HACL2: variants seen among roughly 807,000 people sequenced by gnomAD.
HACL2 encodes the protein 2-hydroxyacyl-CoA lyase 2, also known as 2-hydroxyacyl-CoA lyase 1 like.
At chr19:15,125,458 C>T in the HACL2 span, 1 of 188,322 alleles carries the variant, frequency 5.3e-6, no homozygotes, top group African/African-American at 2.4e-5. Flanking sequence ...GTAGTGAGCC[C>T]GCCCCATGTT....
the HACL2 span, chr19:15,124,151 C>G: frequency 6.4e-6 from 1 of 157,284 alleles, no homozygotes; most frequent in South Asian, 1.9e-4. Flanking sequence ...ACAGACTGTG[C>G]CGAGGCCTCC....
At chr19:15,121,879 C>T in the HACL2 span, among the ~76,000 whole-genome samples, 2 of 148,486 alleles carry the variant, frequency 1.3e-5, no homozygotes, top group African/African-American at 2.5e-5. Context: ...AAGGAGAGGG[C>T]TCGAGTCTGG....
At chr19:15,123,383 C>T in the HACL2 span, 101 of 1,613,098 alleles carry the variant, frequency 6.3e-5, no homozygotes, top group Middle Eastern at 1.6e-4. The surrounding 1 kb of genome is among the most constrained non-coding windows in gnomAD (Gnocchi z 5.1). Flanking sequence ...ACCGGACAGG[C>T]GGGCCATAGC....
the HACL2 span, chr19:15,119,122 G>A: frequency 6.6e-7 from 1 of 1,518,798 alleles, no homozygotes; most frequent in Non-Finnish European, 8.8e-7. Context: ...ACAGGGTGAG[G>A]GGGTTCCTGG....
chr19:15,118,403 C>T, the HACL2 span, among the ~76,000 whole-genome samples: 1 of 152,088 alleles, frequency 6.6e-6, no homozygotes, highest in Non-Finnish European at 1.5e-5. Flanking sequence ...TTTTAGAGGC[C>T]TGGGTGGGGC....
At chr19:15,122,676 G>C in the HACL2 span, 1 of 1,600,282 alleles carries the variant, frequency 6.2e-7, no homozygotes, top group Non-Finnish European at 8.6e-7. This position sits in a 1 kb window ranked among gnomAD's most constrained non-coding sequence, Gnocchi z 4.0. Flanking sequence ...GGGAATGGCA[G>C]GGGTGGGGCT....
the HACL2 span, chr19:15,119,257 C>T: frequency 6.2e-6 from 10 of 1,610,192 alleles, no homozygotes; most frequent in Admixed American, 1.3e-4. Flanking sequence ...GCCCCCGTGC[C>T]ATCCCTCCAA....
At chr19:15,119,277 G>A in the HACL2 span, 1 of 1,608,484 alleles carries the variant, frequency 6.2e-7, no homozygotes. Flanking sequence ...AGGAAGCAGG[G>A]AACACCCAAG....
chr19:15,125,488 G>A, the HACL2 span: 11 of 176,590 alleles, frequency 6.2e-5, no homozygotes, highest in African/African-American at 9.6e-5. Context: ...AGAGGCACGA[G>A]GTCACGCCCC....
the HACL2 span, chr19:15,116,392 TCCACCCAGGCC>T: frequency 6.2e-7 from 1 of 1,613,636 alleles, no homozygotes; most frequent in Non-Finnish European, 8.5e-7. Flanking sequence ...CCACATCCAC[TCCACCCAGGCC>T]CCACCGAAAG....
chr19:15,122,239 G>A, the HACL2 span, among the ~76,000 whole-genome samples: 1 of 152,022 alleles, frequency 6.6e-6, no homozygotes, highest in East Asian at 1.9e-4. This position sits in a 1 kb window ranked among gnomAD's most constrained non-coding sequence, Gnocchi z 4.0. Flanking sequence ...GTGACTTTGG[G>A]CAAGTGACTT....
chr19:15,125,050 G>T, the HACL2 span: 2 of 1,552,272 alleles, frequency 1.3e-6, no homozygotes, highest in African/African-American at 1.4e-5. Context: ...GCGGCCGCGG[G>T]GGTCTCCATG....
chr19:15,118,747 G>A, the HACL2 span, among the ~76,000 whole-genome samples: 2,308 of 152,306 alleles, frequency 0.015, 63 homozygotes, highest in African/African-American at 0.053. Flanking sequence ...GGGCCATGGA[G>A]ACAGGGGTGA....
At chr19:15,115,683 T>C in the HACL2 span, 5 of 1,610,302 alleles carry the variant, frequency 3.1e-6, no homozygotes, top group South Asian at 4.4e-5. Context: ...TACAGGAAGA[T>C]GATGAAGGCA....
the HACL2 span, among the ~76,000 whole-genome samples, chr19:15,122,334 C>T: frequency 1.3e-4 from 19 of 150,134 alleles, no homozygotes; most frequent in African/African-American, 3.0e-4. The surrounding 1 kb of genome is among the most constrained non-coding windows in gnomAD (Gnocchi z 4.0). Flanking sequence ...AGGAGGAAAA[C>T]GGAGAGGACG....
chr19:15,125,320 A>G, the HACL2 span: 1 of 507,200 alleles, frequency 2.0e-6, no homozygotes, highest in Admixed American at 3.8e-5. Context: ...ACTCCCACCC[A>G]AACTAGCCAC....
chr19:15,123,097 G>A, the HACL2 span: 1 of 1,612,776 alleles, frequency 6.2e-7, no homozygotes, highest in Non-Finnish European at 8.5e-7. The surrounding 1 kb of genome is among the most constrained non-coding windows in gnomAD (Gnocchi z 5.1). Flanking sequence ...GCCCCCACTG[G>A]CCCCCAAGGA....
chr19:15,122,949 G>A, the HACL2 span: 35 of 1,604,390 alleles, frequency 2.2e-5, no homozygotes, highest in African/African-American at 6.7e-5. This position sits in a 1 kb window ranked among gnomAD's most constrained non-coding sequence, Gnocchi z 4.0. Flanking sequence ...ACAATGTCCC[G>A]CACCCTCCGC....
the HACL2 span, among the ~76,000 whole-genome samples, chr19:15,118,390 C>T: frequency 5.2e-3 from 785 of 152,210 alleles, 7 homozygotes; most frequent in African/African-American, 0.018. Flanking sequence ...CTTCCTTGTT[C>T]ACTTTTAGAG....
Sources: allele counts gnomAD v4.1 joint callset (sites outside exome capture counted in the v4.1 genomes callset), GRCh38; gene constraint gnomAD v4.1.1; non-coding constraint Gnocchi (gnomAD v3.1); transcripts MANE v1.5; gene names NCBI Gene and HGNC (gene_info 2026-07-23, HGNC 2026-07-21).